DLGAP1: variants seen among roughly 807,000 people sequenced by gnomAD.
The protein encoded by DLGAP1 is DLG associated protein 1, also known as disks large-associated protein 1.
A neutral mutation model predicts 90.8 loss-of-function variants in DLGAP1; 11 were observed. The ratio of observed to expected loss-of-function variants is 0.12; its 90% CI spans 0.08 to 0.20. The LOEUF is 0.20. DLGAP1 is among the 10% of genes least tolerant of loss of function. The pLI is 1.00. For synonymous variants in DLGAP1, 558 were observed against 540.7 expected (o/e 1.03, Z -0.44); for missense variants, 1,050 against 1,333.8 (o/e 0.79, Z 3.31).
At chr18:4,010,681 A>G (rs1035169002) in intron 2 of DLGAP1, among the ~76,000 whole-genome samples, 4 of 152,174 alleles carry the variant, frequency 2.6e-5, no homozygotes, top group African/African-American at 9.7e-5. Flanking sequence ...CAAATTTTCA[A>G]TGCTATTGGT....
At chr18:4,432,717 T>C (rs1261300602) in intron 1 of DLGAP1, among the ~76,000 whole-genome samples, 1 of 152,042 alleles carries the variant, frequency 6.6e-6, no homozygotes, top group African/African-American at 2.4e-5. Context: ...AATTTATTCA[T>C]CCTGTCTAAC....
chr18:4,385,627 C>T (rs1002793510), intron 1 of DLGAP1, among the ~76,000 whole-genome samples: 3 of 152,018 alleles, frequency 2.0e-5, no homozygotes, highest in Non-Finnish European at 4.4e-5. Flanking sequence ...CAGAAACCAC[C>T]GGGTAGCATC....
At chr18:3,791,202 G>A (rs2065716948) in intron 5 of DLGAP1, among the ~76,000 whole-genome samples, 1 of 152,180 alleles carries the variant, frequency 6.6e-6, no homozygotes, top group Non-Finnish European at 1.5e-5. Flanking sequence ...GTAGGCACAG[G>A]CATTGTAATA....
chr18:3,960,682 T>C (rs1337007223), intron 3 of DLGAP1, among the ~76,000 whole-genome samples: 2 of 152,206 alleles, frequency 1.3e-5, no homozygotes, highest in African/African-American at 4.8e-5. Flanking sequence ...TTCTAGTGAG[T>C]TCCCAGGTGA....
intron 1 of DLGAP1, among the ~76,000 whole-genome samples, chr18:4,439,964 C>CA (rs1238970680): frequency 6.7e-6 from 1 of 149,428 alleles, no homozygotes; most frequent in Non-Finnish European, 1.5e-5. Flanking sequence ...ACTAAAAATA[C>CA]AAAAAATTAG....
intron 4 of DLGAP1, among the ~76,000 whole-genome samples, chr18:3,864,211 ATG>A (rs2070252042): frequency 6.6e-6 from 1 of 152,222 alleles, no homozygotes; most frequent in Non-Finnish European, 1.5e-5. Context: ...AGGGGAATAC[ATG>A]TTACAACAGG....
intron 7 of DLGAP1, among the ~76,000 whole-genome samples, chr18:3,699,028 A>G (rs140366890): frequency 0.016 from 2,491 of 152,058 alleles, 46 homozygotes; most frequent in Non-Finnish European, 0.019. Flanking sequence ...TGGTTATTCT[A>G]GCTATCAATT....
intron 10 of DLGAP1, among the ~76,000 whole-genome samples, chr18:3,527,738 A>G (rs2051738610): frequency 6.6e-6 from 1 of 151,828 alleles, no homozygotes; most frequent in South Asian, 2.1e-4. Context: ...CCACAGGTGC[A>G]TGCCACCAAG....
At chr18:4,270,605 A>G (rs1256989636) in intron 1 of DLGAP1, among the ~76,000 whole-genome samples, 2 of 152,306 alleles carry the variant, frequency 1.3e-5, no homozygotes, top group East Asian at 3.9e-4. Flanking sequence ...CTTTATTGAA[A>G]ATAAAGAACA....
intron 3 of DLGAP1, among the ~76,000 whole-genome samples, chr18:3,981,139 G>A (rs570914735): frequency 1.6e-4 from 24 of 152,354 alleles, no homozygotes; most frequent in African/African-American, 5.8e-4. Context: ...CCAAAGACCT[G>A]TATTTTCATA....
At chr18:4,416,305 C>A (rs1286652123) in intron 1 of DLGAP1, among the ~76,000 whole-genome samples, 5 of 152,118 alleles carry the variant, frequency 3.3e-5, no homozygotes, top group African/African-American at 1.2e-4. Context: ...CATAGATGAG[C>A]TTATACCAAG....
intron 1 of DLGAP1, among the ~76,000 whole-genome samples, chr18:4,436,781 C>T (rs1230431293): frequency 6.6e-6 from 1 of 152,174 alleles, no homozygotes; most frequent in African/African-American, 2.4e-5. Context: ...TGAAGGTGAA[C>T]CAGCTATTCT....
intron 1 of DLGAP1, among the ~76,000 whole-genome samples, chr18:4,298,048 A>C (rs1281090371): frequency 6.6e-6 from 1 of 152,086 alleles, no homozygotes; most frequent in Non-Finnish European, 1.5e-5. Context: ...CTGTCAGTAT[A>C]TGCATAAAAC....
intron 2 of DLGAP1, among the ~76,000 whole-genome samples, chr18:4,113,412 A>G (rs2076007464): frequency 6.6e-6 from 1 of 152,034 alleles, no homozygotes; most frequent in South Asian, 2.1e-4. Flanking sequence ...TCTTCTTTTG[A>G]GAAGTGTCTG....
chr18:3,498,392 C>T lies in DLGAP1; in HGVS notation c.*793G>A, dbSNP rs2143531640. ...GTAGTATACTAAACCATCAGTGCCT[C>T]CTTTGCCTTGCTTCATGTTATTGCC... On this transcript the variant is annotated 3_prime_UTR_variant, in exon 13 of 13. Coordinates refer to ENST00000315677, the MANE Select transcript of DLGAP1 (RefSeq NM_004746.4). 6.6e-6 allele frequency: 1 copy of T among 152,330 alleles called. No individual in the cohort carries two copies. Among genetic ancestry groups the T allele is most frequent in the African/African-American group, 2.4e-5 (1 of 41,566 alleles). 9.4% of individuals were successfully genotyped at this position (152,330 alleles called of 1,614,324 possible). A position where few individuals can be genotyped will look rare whatever the true frequency, so the allele number is the denominator to read the frequency against.
chr18:3,956,595 G>A (rs747064961), intron 3 of DLGAP1, among the ~76,000 whole-genome samples: 26 of 151,860 alleles, frequency 1.7e-4, no homozygotes, highest in Admixed American at 5.9e-4. Flanking sequence ...TGATCCACCC[G>A]CCTTGGCCTC....
chr18:3,855,416 T>C (rs1387630639), intron 4 of DLGAP1, among the ~76,000 whole-genome samples: 1 of 152,088 alleles, frequency 6.6e-6, no homozygotes, highest in Non-Finnish European at 1.5e-5. Flanking sequence ...CCTGCACATG[T>C]ACCCCTTACC....
chr18:4,028,508 T>G (rs2074740913), intron 2 of DLGAP1, among the ~76,000 whole-genome samples: 1 of 152,190 alleles, frequency 6.6e-6, no homozygotes, highest in Admixed American at 6.5e-5. Context: ...GAAACTTGCT[T>G]AATATGAACA....
intron 5 of DLGAP1, among the ~76,000 whole-genome samples, chr18:3,786,729 G>A (rs1033526653): frequency 6.6e-6 from 1 of 152,158 alleles, no homozygotes; most frequent in South Asian, 2.1e-4. Flanking sequence ...AAATAGGAGT[G>A]AATGACTGCA....
Sources: gnomAD v4.1 joint callset for allele counts (sites outside exome capture counted in the v4.1 genomes callset) on GRCh38, gnomAD v4.1.1 for gene constraint, MANE v1.5 for transcripts, NCBI Gene and HGNC (gene_info 2026-07-23, HGNC 2026-07-21) for gene names.